ATG7: variants seen among roughly 807,000 people sequenced by gnomAD.
ATG7 encodes autophagy related 7.
ATG7 carries 70 observed loss-of-function variants against 82.4 expected under a neutral mutation model. The ratio of observed to expected loss-of-function variants is 0.85; its 90% CI spans 0.70 to 1.04. The LOEUF (loss-of-function observed/expected upper bound fraction) is 1.04, where lower values mean the gene tolerates loss of function less well. ATG7 is among the 50% of genes least tolerant of loss of function. The pLI, the probability that ATG7 is intolerant of heterozygous loss-of-function variation, is 0.00. For missense variants in ATG7, 792 were observed against 864.3 expected (o/e 0.92, Z 1.05); for synonymous variants, 287 against 313.0 (o/e 0.92, Z 0.88).
intron 20 of ATG7, among the ~76,000 whole-genome samples, chr3:11,509,867 C>CGCTCCAT (rs2091955660): frequency 6.6e-6 from 1 of 152,138 alleles, no homozygotes; most frequent in Admixed American, 6.5e-5. Context: ...AGGCAGCCAG[C>CGCTCCAT]GCTCCATACT....
At chr3:11,475,302 C>T (rs991201240) in intron 20 of ATG7, among the ~76,000 whole-genome samples, 12 of 152,088 alleles carry the variant, frequency 7.9e-5, no homozygotes, top group African/African-American at 2.7e-4. Flanking sequence ...CCACAAAGCC[C>T]CTATCCACTG....
chr3:11,559,178 C>T (rs1199707537), downstream of ATG7, among the ~76,000 whole-genome samples: 11 of 152,230 alleles, frequency 7.2e-5, no homozygotes, highest in East Asian at 1.9e-4. Context: ...TCATGCGCAA[C>T]GCTAGGCGCA....
chr3:11,313,551 A>T (rs1214609798), intron 8 of ATG7, 131 bp downstream of exon 8: 3 of 576,148 alleles, frequency 5.2e-6, no homozygotes, highest in African/African-American at 1.9e-5. Context: ...CAAAGGTGGT[A>T]CTAGGAGCAG....
chr3:11,276,431 C>T (rs1395996567), intron 1 of ATG7, among the ~76,000 whole-genome samples: 1 of 152,188 alleles, frequency 6.6e-6, no homozygotes, highest in Non-Finnish European at 1.5e-5. Context: ...TGTTTACTCT[C>T]ATTTTGGAAA....
At chr3:11,358,952 A>G (rs189987533) in intron 15 of ATG7, among the ~76,000 whole-genome samples, 44 of 152,352 alleles carry the variant, frequency 2.9e-4, no homozygotes, top group African/African-American at 9.1e-4. Flanking sequence ...ACAATGTTGA[A>G]TAGTGAACTA....
At chr3:11,411,166 T>C (rs985229916) in intron 19 of ATG7, among the ~76,000 whole-genome samples, 2 of 152,224 alleles carry the variant, frequency 1.3e-5, no homozygotes, top group Non-Finnish European at 2.9e-5. Context: ...GGGGTCTCAC[T>C]GTTTTACTTG....
chr3:11,558,039 AAAGTT>A (rs1186290837), downstream of ATG7: 4 of 157,876 alleles, frequency 2.5e-5, no homozygotes, highest in Admixed American at 2.4e-4. Flanking sequence ...CATAACACAT[AAAGTT>A]GTCAGGCAAC....
rs112892030 is a variant in ATG7 at position 11,347,417 on chromosome 3, A to C, written c.1126-460A>C. Among the ~76,000 whole-genome samples the C allele has an allele frequency of 2.6e-3, 400 of 152,366 alleles. 1 individual carries two copies. Among genetic ancestry groups the C allele is most frequent in the African/African-American group, 9.1e-3 (380 of 41,590 alleles). ...TACAAAATGTTCTAAAATATCATAC[A>C]GTGGGAAATAATTTGTGAGTCATTT... On this transcript the variant is annotated intron_variant, in intron 13 of 20. Coordinates refer to ENST00000693202, the MANE Select transcript of ATG7 (RefSeq NM_001349232.2).
chr3:11,295,173 C>T (rs879545807), intron 3 of ATG7, among the ~76,000 whole-genome samples: 16 of 152,074 alleles, frequency 1.1e-4, no homozygotes, highest in South Asian at 2.1e-4. Flanking sequence ...CTTGGTCAGG[C>T]GCTATCTGGG....
At chr3:11,387,358 T>C (rs551624109) in intron 19 of ATG7, among the ~76,000 whole-genome samples, 2 of 152,198 alleles carry the variant, frequency 1.3e-5, no homozygotes, top group Non-Finnish European at 2.9e-5. Context: ...GACTACCTAA[T>C]TAGTAGTTAG....
At chr3:11,512,807 G>T (rs2092122813) in intron 20 of ATG7, among the ~76,000 whole-genome samples, 1 of 152,224 alleles carries the variant, frequency 6.6e-6, no homozygotes, top group African/African-American at 2.4e-5. Context: ...CGGGCAGCCT[G>T]CTTTTATTCT....
In ATG7 at chr3:11,533,235, G is replaced by T. The variant is rs528884362; in HGVS notation, c.2080-21576G>T. Reference sequence around the variant, plus strand: ...GCTGACCCCCAAGCCCTCCTCTCCAGCTCCCTTTCATCATCACCGTGAGTG... The same window carrying T: ...GCTGACCCCCAAGCCCTCCTCTCCATCTCCCTTTCATCATCACCGTGAGTG... On this transcript the variant is annotated intron_variant, in intron 20 of 20. Transcript: ENST00000693202. Among the ~76,000 whole-genome samples the T allele has an allele frequency of 5.4e-4, 82 of 152,230 alleles. 1 individual carries two copies. The highest frequency in any genetic ancestry group is 3.4e-3 in the Middle Eastern group (1 of 294).
intron 17 of ATG7, among the ~76,000 whole-genome samples, chr3:11,364,216 T>C (rs999409720): frequency 3.3e-5 from 5 of 152,222 alleles, no homozygotes; most frequent in African/African-American, 1.2e-4. Context: ...GCTCAAGAAG[T>C]TAAGGTTAGA....
intron 20 of ATG7, among the ~76,000 whole-genome samples, chr3:11,512,247 C>T (rs1312536462): frequency 2.6e-5 from 4 of 152,320 alleles, no homozygotes; most frequent in East Asian, 1.9e-4. Context: ...TCCCCTCCTT[C>T]GGCCAGCCCT....
intron 18 of ATG7, among the ~76,000 whole-genome samples, chr3:11,374,492 T>C (rs2077244524): frequency 6.6e-6 from 1 of 152,144 alleles, no homozygotes; most frequent in African/African-American, 2.4e-5. Context: ...GAAGAAAATA[T>C]CATAAATCTT....
chr3:11,566,190 AGAATGTTACACACACACT>A, the ATG7 span, among the ~76,000 whole-genome samples: 1 of 152,164 alleles, frequency 6.6e-6, no homozygotes, highest in African/African-American at 2.4e-5. Flanking sequence ...GCATGCACAC[AGAATGTTACACACACACT>A]GAATGTTACA....
At chr3:11,528,394 G>A (rs139125699) in intron 20 of ATG7, among the ~76,000 whole-genome samples, 15 of 152,158 alleles carry the variant, frequency 9.9e-5, no homozygotes, top group East Asian at 3.9e-4. Context: ...ACCAATATCC[G>A]GGAAGTCAGA....
intron 17 of ATG7, among the ~76,000 whole-genome samples, chr3:11,363,893 A>G (rs764132046): frequency 1.1e-4 from 17 of 152,288 alleles, no homozygotes; most frequent in Non-Finnish European, 2.5e-4. Flanking sequence ...TAGTATGGGT[A>G]CTCTGAGATA....
intron 18 of ATG7, among the ~76,000 whole-genome samples, chr3:11,369,532 C>T (rs1350450026): frequency 4.0e-5 from 6 of 151,062 alleles, no homozygotes; most frequent in African/African-American, 7.3e-5. Flanking sequence ...GTTCCATTTG[C>T]GTTTGGGGTA....
Sources: gnomAD v4.1 joint callset for allele counts (sites outside exome capture counted in the v4.1 genomes callset) on GRCh38, gnomAD v4.1.1 for gene constraint, MANE v1.5 for transcripts, NCBI Gene and HGNC (gene_info 2026-07-23, HGNC 2026-07-21) for gene names.